PDE9A: variants seen among roughly 807,000 people sequenced by gnomAD.
The protein encoded by PDE9A is phosphodiesterase 9A.
In PDE9A, 60 loss-of-function variants were observed where a neutral mutation model predicts 87.4. That is an observed-to-expected ratio of 0.69 (90% CI 0.56 to 0.85). PDE9A has a LOEUF of 0.85. Ranked by LOEUF, PDE9A falls within the 40% of genes least tolerant of loss-of-function variation. The probability of loss-of-function intolerance (pLI) is 0.00; values close to 1 mark genes in which losing one functional copy is unlikely to be tolerated. For missense variants in PDE9A, 665 were observed against 779.0 expected (o/e 0.85, Z 1.74); for synonymous variants, 272 against 279.4 (o/e 0.97, Z 0.27).
intron 1 of PDE9A, among the ~76,000 whole-genome samples, chr21:42,657,021 C>T (rs1002964734): frequency 2.6e-5 from 4 of 152,242 alleles, no homozygotes; most frequent in African/African-American, 9.6e-5. Flanking sequence ...GGGAAGGCAA[C>T]TACAAATGAT....
chr21:42,724,513 G>T, intron 4 of PDE9A: 1 of 787,486 alleles, frequency 1.3e-6, no homozygotes, highest in African/African-American at 1.9e-5. Flanking sequence ...CGTGGGTGTG[G>T]TTGGCCTTTG....
At chr21:42,686,327 T>A (rs1487262555) in intron 2 of PDE9A, 65 bp downstream of exon 2, 2 of 1,364,798 alleles carry the variant, frequency 1.5e-6, no homozygotes, top group Admixed American at 1.7e-5. Flanking sequence ...TCGGGATGGC[T>A]GGGAGGGGCG....
In PDE9A at chr21:42,761,597, C is replaced by T. The variant is rs148188660; in HGVS notation, c.1086-486C>T. ...TGAGAGCTCTGCTGCCATGTGTCAG[C>T]GCCTAGTGGGTTCCGAGGTGTGGCT... is the stretch of plus-strand genomic sequence containing the variant. On this transcript the variant is annotated intron_variant, in intron 13 of 19. Transcript: ENST00000291539. Among the ~76,000 whole-genome samples, 527 of 152,336 alleles carry T rather than the reference C, an allele frequency of 3.5e-3. 3 individuals are homozygous for T. The highest frequency in any genetic ancestry group is 6.2e-3 in the Non-Finnish European group (419 of 68,032).
rs1488853197 is a variant in PDE9A, at chr21:42,760,933, T to C, written c.1085+26T>C. 1 of 1,542,284 alleles carries C rather than the reference T, an allele frequency of 6.5e-7. No individual in the cohort carries two copies. The highest frequency in any genetic ancestry group is 9.0e-7 in the Non-Finnish European group (1 of 1,114,592). ...GTATGTACAGGATTTTCTCTTTTTTTCCTTTTAAAAGGCACCCTGGCTACT... is the reference window on the plus strand; with the variant it reads ...GTATGTACAGGATTTTCTCTTTTTTCCCTTTTAAAAGGCACCCTGGCTACT... On this transcript the variant is annotated intron_variant, in intron 13 of 19. Transcript: ENST00000291539. This position sits in a 1 kb window ranked among gnomAD's most constrained non-coding sequence, Gnocchi z 5.2.
In PDE9A at chr21:42,769,338, TAC is replaced by T. The variant is rs373709865; in HGVS notation, c.1590+189_1590+190del. ...ACACATATACACACACGCACACAGC[TAC>T]ACACAGGCACACACACAGGCACACA... On this transcript the variant is annotated intron_variant, in intron 17 of 19. Transcript: ENST00000291539. 2.0e-4 allele frequency among the ~76,000 whole-genome samples: 29 copies of T among 145,940 alleles called. No individual in the cohort carries two copies. In the East Asian group the frequency reaches 5.3e-3, roughly 27 times the overall value.
intron 1 of PDE9A, among the ~76,000 whole-genome samples, chr21:42,662,857 A>T (rs2057661553): frequency 7.0e-6 from 1 of 142,582 alleles, no homozygotes; most frequent in Non-Finnish European, 1.5e-5. Flanking sequence ...ACACATGCAC[A>T]TCACACACGT....
chr21:42,775,232 G>C (rs369807137), intron 19 of PDE9A, 48 bp from the exon 20 acceptor site: 3 of 1,602,858 alleles, frequency 1.9e-6, no homozygotes, highest in Non-Finnish European at 2.6e-6. Flanking sequence ...GAGCCACCGC[G>C]CCCTAATTCT....
At chr21:42,726,624 A>ATATATATATATATATT in intron 4 of PDE9A, among the ~76,000 whole-genome samples, 1 of 19,776 alleles carries the variant, frequency 5.1e-5, no homozygotes, top group Non-Finnish European at 7.5e-5. Context: ...ATATATATAT[A>ATATATATATATATATT]TTTTTTTTTT....
chr21:42,726,617 TATA>T (rs1254007740), intron 4 of PDE9A, among the ~76,000 whole-genome samples: 15 of 36,152 alleles, frequency 4.1e-4, no homozygotes, highest in African/African-American at 2.0e-3. Context: ...TATATATATA[TATA>T]TATATTTTTT....
In PDE9A at chr21:42,739,879, T is replaced by C. The variant is rs888534278; in HGVS notation, c.569-3897T>C. On this transcript the variant is annotated intron_variant, in intron 7 of 19. Transcript: ENST00000291539. This position sits in a 1 kb window ranked among gnomAD's most constrained non-coding sequence, Gnocchi z 4.1. ...GAACTGACATGAAGCCCTTGGTATT[T>C]ATTTATCCTGCTCAGTATGATAAAT... 2.6e-5 allele frequency among the ~76,000 whole-genome samples: 4 copies of C among 152,140 alleles called. No individual in the cohort carries two copies. The highest frequency in any genetic ancestry group is 7.2e-5 in the African/African-American group (3 of 41,424).
At chr21:42,670,944 CAT>C (rs66899326) in intron 1 of PDE9A, among the ~76,000 whole-genome samples, 3,606 of 152,236 alleles carry the variant, frequency 0.024, 68 homozygotes, top group Middle Eastern at 0.051. Context: ...TTCCTGAACA[CAT>C]GTTATCTTTG....
chr21:42,672,420 G>A (rs1041879991), intron 1 of PDE9A, among the ~76,000 whole-genome samples: 4 of 152,258 alleles, frequency 2.6e-5, no homozygotes, highest in East Asian at 1.9e-4. Flanking sequence ...GTTCTAGCCC[G>A]AGTGTGGTCT....
At chr21:42,725,720 C>G (rs2050962812) in intron 4 of PDE9A, among the ~76,000 whole-genome samples, 1 of 152,174 alleles carries the variant, frequency 6.6e-6, no homozygotes, top group African/African-American at 2.4e-5. Context: ...TATGGATGGA[C>G]CACGGTTGGT....
chr21:42,757,716 T>A (rs1343529244), intron 10 of PDE9A: 1 of 152,180 alleles, frequency 6.6e-6, no homozygotes, highest in Non-Finnish European at 1.5e-5. Flanking sequence ...ACCTTCTTCC[T>A]GGCCAGCAAG....
At chr21:42,724,118 G>A (rs1448282485) in intron 4 of PDE9A, among the ~76,000 whole-genome samples, 1 of 152,162 alleles carries the variant, frequency 6.6e-6, no homozygotes, top group Non-Finnish European at 1.5e-5. Flanking sequence ...GAGGGGGTAA[G>A]GCCACATTCA....
At chr21:42,710,191 T>C (rs1320889375) in intron 4 of PDE9A, among the ~76,000 whole-genome samples, 1 of 151,946 alleles carries the variant, frequency 6.6e-6, no homozygotes, top group East Asian at 1.9e-4. Context: ...GCGGATCACT[T>C]GAGGTCAGGA....
chr21:42,667,776 C>T (rs1345770627), intron 1 of PDE9A, among the ~76,000 whole-genome samples: 1 of 152,108 alleles, frequency 6.6e-6, no homozygotes, highest in African/African-American at 2.4e-5. Context: ...CTCCTCCCGA[C>T]CCCCTGCTGT....
chr21:42,756,963 A>G (rs730933), intron 10 of PDE9A: 10,302 of 152,454 alleles, frequency 0.068, 1,157 homozygotes, highest in African/African-American at 0.23. Flanking sequence ...TCTGCCTTTC[A>G]GGACTGCCTT....
At chr21:42,729,070 T>C (rs998846518) in intron 4 of PDE9A, among the ~76,000 whole-genome samples, 2 of 152,064 alleles carry the variant, frequency 1.3e-5, no homozygotes, top group African/African-American at 4.8e-5. Context: ...GTTAGAATCA[T>C]GTTGACTTTT....
Sources: gnomAD v4.1 joint callset for allele counts (sites outside exome capture counted in the v4.1 genomes callset) on GRCh38, gnomAD v4.1.1 for gene constraint, Gnocchi (gnomAD v3.1) non-coding constraint, MANE v1.5 for transcripts, NCBI Gene and HGNC (gene_info 2026-07-23, HGNC 2026-07-21) for gene names.